Variants in LYPD8 observed in about 807,000 individuals in gnomAD.
LYPD8 encodes the protein ly6/PLAUR domain-containing protein 8.
In LYPD8, 8 loss-of-function variants were observed where a neutral mutation model predicts 1.7. That is an observed-to-expected ratio of 4.58 (90% CI 2.69 to 8.27). LYPD8 has a LOEUF of 8.27. Among genes scored for constraint, LYPD8 ranks in the 30% most tolerant of loss-of-function variants. The pLI is 0.00. For synonymous variants in LYPD8, 50 were observed against 43.6 expected, an observed-to-expected ratio of 1.15 and a Z score of -0.58; for missense variants, 112 against 102.3, an observed-to-expected ratio of 1.09 and a Z score of -0.41.
chr1:248,739,451 G>A lies in LYPD8; in HGVS notation c.*160C>T, dbSNP rs1392081240. Reference sequence around the variant, plus strand: ...AATGAACCAGTGCTTTAATAATGAAGAACAAGGCAGCTGTCGGCATTGCCT... The same window carrying A: ...AATGAACCAGTGCTTTAATAATGAAAAACAAGGCAGCTGTCGGCATTGCCT... On this transcript the variant is annotated 3_prime_UTR_variant, in exon 7 of 7. Coordinates refer to ENST00000590317, the MANE Select transcript of LYPD8 (RefSeq NM_001085474.2). The surrounding 1 kb of genome is among the most constrained non-coding windows in gnomAD (Gnocchi z 4.3). The A allele has an allele frequency of 5.2e-6, 5 of 964,162 alleles. No homozygotes were observed. The African/African-American group carries it at 8.3e-5, about 16-fold the overall frequency. 59.7% of individuals were successfully genotyped at this position (964,162 alleles called of 1,614,324 possible).
rs1340253194 is a variant in LYPD8, at chr1:248,739,984, G to A, written c.476-135C>T. ...CTGGTGTGCTCCTGAAGCCCAGGCA[G>A]GAAGAAGGAGCCTGCGTGTTCAGAG... On this transcript the variant is annotated intron_variant, in intron 6 of 6. Coordinates refer to ENST00000590317, the MANE Select transcript of LYPD8 (RefSeq NM_001085474.2). The surrounding 1 kb of genome is among the most constrained non-coding windows in gnomAD (Gnocchi z 4.3). The A allele has an allele frequency of 3.5e-6, 4 of 1,136,426 alleles. No homozygotes were observed. Among genetic ancestry groups the A allele is most frequent in the Admixed American group, 2.4e-5 (1 of 42,044 alleles). The allele number at this position is 1,136,426 out of a possible 1,614,324, so 70.4% of individuals were successfully genotyped here.
At chr1:248,753,114 AAC>A (rs1662849965) in intron 2 of LYPD8, among the ~76,000 whole-genome samples, 8 of 75,522 alleles carry the variant, frequency 1.1e-4, no homozygotes, top group Non-Finnish European at 1.2e-4. Context: ...CACCACACAC[AAC>A]ACACACAACA....
In LYPD8 at chr1:248,739,785, GA is replaced by G; in HGVS notation, c.539del (p.Phe180SerfsTer22). 1 of 1,551,682 alleles carries G rather than the reference GA, an allele frequency of 6.4e-7. No individual in the cohort carries two copies. The highest frequency in any genetic ancestry group is 8.7e-7 in the Non-Finnish European group (1 of 1,146,964). On this transcript the variant is annotated frameshift_variant, in exon 7 of 7. Transcript: ENST00000590317. LOFTEE classifies it low-confidence loss of function (END_TRUNC). This position sits in a 1 kb window ranked among gnomAD's most constrained non-coding sequence, Gnocchi z 4.3. Reference protein sequence around the residue: ...CSNVSNATCQFLSGENKTLGG... With the variant: ...CSNVSNATCQXLSGENKTLGG... ...CAAGAGTCTTGTTTTCACCAGACAG[GA>G]ACTGACAGGTGGCGTTACTGACGTT...
At chr1:248,752,583 C>G (rs1662817758) in intron 2 of LYPD8, among the ~76,000 whole-genome samples, 1 of 142,712 alleles carries the variant, frequency 7.0e-6, no homozygotes, top group Admixed American at 7.0e-5. Flanking sequence ...ACACATCACA[C>G]ACACACCACA....
chr1:248,743,274 G>A (rs1419360251), intron 6 of LYPD8, among the ~76,000 whole-genome samples: 14 of 152,160 alleles, frequency 9.2e-5, no homozygotes, highest in African/African-American at 3.4e-4. Context: ...AGACCAGCCT[G>A]GCCAACATGG....
Position 248,739,602 on chromosome 1 carries a change from C to T in LYPD8, c.*9G>A, listed in dbSNP as rs1553283018. 3.9e-6 allele frequency: 6 copies of T among 1,550,892 alleles called. No homozygotes were observed. Among genetic ancestry groups the T allele is most frequent in the African/African-American group, 2.7e-5 (2 of 73,008 alleles). On this transcript the variant is annotated 3_prime_UTR_variant, in exon 7 of 7. Transcript: ENST00000590317. The surrounding 1 kb of genome is among the most constrained non-coding windows in gnomAD (Gnocchi z 4.3). ...AATGGGGTGCTGGGCAAAGTGCAGCCCCAGGACCTCAGGGCAGCAGTCCCC... is the reference window on the plus strand; with the variant it reads ...AATGGGGTGCTGGGCAAAGTGCAGCTCCAGGACCTCAGGGCAGCAGTCCCC...
chr1:248,741,381 A>G (rs781836385), intron 6 of LYPD8, among the ~76,000 whole-genome samples: 2 of 152,050 alleles, frequency 1.3e-5, no homozygotes, highest in Non-Finnish European at 2.9e-5. Flanking sequence ...TAATTTTTGT[A>G]TTTCTAGTAG....
intron 4 of LYPD8, 54 bp from the exon 5 acceptor site, chr1:248,748,507 AG>A (rs1481539526): frequency 2.5e-6 from 1 of 399,750 alleles, no homozygotes; most frequent in African/African-American, 2.1e-5. Context: ...AGGTGTGGGG[AG>A]GGTGGAGACC....
intron 2 of LYPD8, among the ~76,000 whole-genome samples, chr1:248,752,652 A>C (rs1393400988): frequency 0.33 from 7,198 of 21,554 alleles, 560 homozygotes; most frequent in East Asian, 0.53. Flanking sequence ...ACAACACACA[A>C]CACACACCAC....
intron 2 of LYPD8, among the ~76,000 whole-genome samples, chr1:248,752,440 A>T (rs1334347323): frequency 2.0e-5 from 3 of 151,852 alleles, no homozygotes; most frequent in Admixed American, 1.3e-4. Context: ...ACTGAAACAC[A>T]ATCGCCTTCA....
At chr1:248,753,342 A>T (rs1662862204) in intron 2 of LYPD8, among the ~76,000 whole-genome samples, 1 of 130,384 alleles carries the variant, frequency 7.7e-6, no homozygotes, top group Non-Finnish European at 1.6e-5. Flanking sequence ...CACACACCAC[A>T]CACACCACAC....
At chr1:248,745,688 T>G (rs1407243484) in intron 5 of LYPD8, among the ~76,000 whole-genome samples, 2 of 152,148 alleles carry the variant, frequency 1.3e-5, no homozygotes, top group Admixed American at 6.5e-5. Flanking sequence ...AGAAAAAAAT[T>G]TACAATGAGA....
At chr1:248,745,356 A>G (rs1662712807) in intron 5 of LYPD8, 77 bp from the exon 6 acceptor site, 1 of 397,276 alleles carries the variant, frequency 2.5e-6, no homozygotes, top group Non-Finnish European at 4.4e-6. Context: ...CAAGCAAAGA[A>G]AGCACCAAAG....
rs1662857043 is a variant in LYPD8 at position 248,753,260 on chromosome 1, GCATCA to G, written c.-50+1974_-50+1978del. On this transcript the variant is annotated intron_variant, in intron 2 of 6. Transcript: ENST00000590317. ...CCACACACCCCACACAACACACACC[GCATCA>G]CACACACACCACACAACACACACAC... Among the ~76,000 whole-genome samples the G allele has an allele frequency of 5.0e-3, 73 of 14,730 alleles. 1 individual carries two copies. The highest frequency in any genetic ancestry group is 0.021 in the African/African-American group (67 of 3,208). The allele number at this position is 14,730 out of a possible 152,430, so 9.7% of individuals were successfully genotyped here. A position where few individuals can be genotyped will look rare whatever the true frequency, so the allele number is the denominator to read the frequency against.
At chr1:248,744,079 A>G (rs1452910663) in intron 6 of LYPD8, among the ~76,000 whole-genome samples, 2 of 152,234 alleles carry the variant, frequency 1.3e-5, no homozygotes, top group Non-Finnish European at 2.9e-5. Context: ...GTCCTCAATA[A>G]TTTTTAAGAC....
intron 3 of LYPD8, 47 bp from the exon 4 acceptor site, chr1:248,750,690 TA>T: frequency 2.5e-6 from 1 of 398,552 alleles, no homozygotes; most frequent in Non-Finnish European, 4.4e-6. Context: ...AGTAGACATT[TA>T]TAGAGCATAC....
At chr1:248,745,119 G>A (rs1662707934) in intron 6 of LYPD8, 23 bp downstream of exon 6, 1 of 398,384 alleles carries the variant, frequency 2.5e-6, no homozygotes, top group South Asian at 1.3e-4. Context: ...GTCCCATAGA[G>A]GAATTAGAAC....
intron 5 of LYPD8, among the ~76,000 whole-genome samples, 160 bp from the exon 6 acceptor site, chr1:248,745,439 A>G (rs1447390923): frequency 6.6e-6 from 1 of 152,182 alleles, no homozygotes; most frequent in African/African-American, 2.4e-5. Flanking sequence ...TCTCCTCAAA[A>G]TATTTACTAC....
intron 2 of LYPD8, among the ~76,000 whole-genome samples, chr1:248,752,939 C>CCA (rs1662840721): frequency 9.9e-6 from 1 of 101,182 alleles, no homozygotes. Context: ...CACACACACA[C>CCA]CACATCACAC....
Sources: allele counts gnomAD v4.1 joint callset (sites outside exome capture counted in the v4.1 genomes callset), GRCh38; gene constraint gnomAD v4.1.1; non-coding constraint Gnocchi (gnomAD v3.1); transcripts MANE v1.5; gene names NCBI Gene and HGNC (gene_info 2026-07-23, HGNC 2026-07-21).